The following ANKFN1 variants were observed in gnomAD, a reference collection of about 807,000 sequenced individuals.
ANKFN1 encodes ankyrin repeat and fibronectin type III domain containing 1.
In ANKFN1, 74 loss-of-function variants were observed where a neutral mutation model predicts 108.7. The observed-to-expected ratio is 0.68, with a 90% CI of 0.56 to 0.83. The LOEUF is 0.83. Ranked by LOEUF, ANKFN1 falls within the 40% of genes least tolerant of loss-of-function variation. ANKFN1 has a pLI of 0.00. For synonymous variants in ANKFN1, 547 were observed against 516.2 expected (o/e 1.06, Z -0.81); for missense variants, 1,505 against 1,382.3 (o/e 1.09, Z -1.41).
chr17:56,109,058 T>C (rs1905810326), intron 4 of ANKFN1, among the ~76,000 whole-genome samples: 1 of 152,226 alleles, frequency 6.6e-6, no homozygotes, highest in Non-Finnish European at 1.5e-5. Context: ...GTCTCAGCTC[T>C]GCCTAGCTGT....
chr17:56,316,489 G>A (rs1001665643), intron 3 of ANKFN1, among the ~76,000 whole-genome samples: 3 of 152,068 alleles, frequency 2.0e-5, no homozygotes, highest in African/African-American at 7.2e-5. Flanking sequence ...AATAAATGGA[G>A]AAAAGGACCT....
chr17:56,442,840 C>A lies in ANKFN1; in HGVS notation c.1009-3C>A. On this transcript the variant is annotated splice_region_variant and splice_polypyrimidine_tract_variant and intron_variant, in intron 9 of 20. Transcript: ENST00000682825. Reference sequence around the variant, plus strand: ...CCTGATGCATCATTTCAATACTTTGCAGGGCCAACAGTATTTTGTTCAAGT... The same window carrying A: ...CCTGATGCATCATTTCAATACTTTGAAGGGCCAACAGTATTTTGTTCAAGT... The A allele has an allele frequency of 6.2e-6, 10 of 1,613,158 alleles. No individual in the cohort carries two copies. The highest frequency in any genetic ancestry group is 7.6e-6 in the Non-Finnish European group (9 of 1,179,354).
rs182751387 is a variant in ANKFN1 at position 56,506,529 on chromosome 17, G to A, written c.2645-3944G>A. Among the ~76,000 whole-genome samples the A allele has an allele frequency of 1.1e-3, 174 of 152,014 alleles. 1 individual carries two copies. Among genetic ancestry groups the A allele is most frequent in the Non-Finnish European group, 2.1e-3 (142 of 67,972 alleles). ...CCCTAGAACCTCCAGAGGGAGTGTG[G>A]CCTTGCTGACACCTTGATTTCAAAC... On this transcript the variant is annotated intron_variant, in intron 20 of 20. Transcript: ENST00000682825.
In ANKFN1 at chr17:56,351,673, G is replaced by C. The variant is rs190488228; in HGVS notation, c.390+706G>C. 2.4e-3 allele frequency among the ~76,000 whole-genome samples: 365 copies of C among 152,244 alleles called. 1 individual carries two copies. The highest frequency in any genetic ancestry group is 8.4e-3 in the African/African-American group (350 of 41,556). On this transcript the variant is annotated intron_variant, in intron 5 of 20. Coordinates refer to ENST00000682825, the MANE Select transcript of ANKFN1 (RefSeq NM_001370326.1). ...CAGGAGGAATGAATATTCACCTGTT[G>C]CTCAGTCCTCTGGACCTTGTAGATG...
chr17:56,321,481 C>T (rs970588180), intron 3 of ANKFN1, among the ~76,000 whole-genome samples: 14 of 150,402 alleles, frequency 9.3e-5, no homozygotes, highest in African/African-American at 3.4e-4. Context: ...AAAAAATCTT[C>T]GCTGAAAAAA....
upstream of ANKFN1, among the ~76,000 whole-genome samples, chr17:56,152,119 G>T (rs1908668069): frequency 6.6e-6 from 1 of 152,066 alleles, no homozygotes; most frequent in South Asian, 2.1e-4. Flanking sequence ...GCATTCTGAG[G>T]AAAAACTGTA....
chr17:56,438,183 T>C (rs1323785630), intron 8 of ANKFN1, among the ~76,000 whole-genome samples: 2 of 152,140 alleles, frequency 1.3e-5, no homozygotes, highest in Non-Finnish European at 2.9e-5. Context: ...AATCTCGTTT[T>C]TACAGAAATA....
At chr17:56,101,850 C>A (rs1228640203) in intron 4 of ANKFN1, among the ~76,000 whole-genome samples, 1 of 152,176 alleles carries the variant, frequency 6.6e-6, no homozygotes, top group Non-Finnish European at 1.5e-5. Flanking sequence ...GATTCTGGGC[C>A]TCATCCTACT....
At chr17:56,046,946 T>A (rs796187934) in intron 4 of ANKFN1, among the ~76,000 whole-genome samples, 14 of 152,350 alleles carry the variant, frequency 9.2e-5, no homozygotes, top group African/African-American at 3.4e-4. Flanking sequence ...CATTGACACC[T>A]GTTTTGAACT....
intron 19 of ANKFN1, among the ~76,000 whole-genome samples, chr17:56,497,075 C>T (rs1214283294): frequency 6.6e-6 from 1 of 152,072 alleles, no homozygotes; most frequent in Non-Finnish European, 1.5e-5. Context: ...TTGTCGGGCA[C>T]TCTAAAAGCT....
intron 4 of ANKFN1, among the ~76,000 whole-genome samples, chr17:56,075,357 G>A (rs941828013): frequency 2.6e-5 from 4 of 152,126 alleles, no homozygotes; most frequent in South Asian, 2.1e-4. Flanking sequence ...TTGCATACTA[G>A]TAATTGCAGG....
intron 3 of ANKFN1, 78 bp downstream of exon 3, chr17:56,228,035 A>G: frequency 1.7e-6 from 2 of 1,212,084 alleles, no homozygotes; most frequent in East Asian, 2.4e-5. Context: ...TAAGGCTCCC[A>G]TCTCACATTG....
At chr17:56,431,899 G>T (rs559718969) in intron 8 of ANKFN1, among the ~76,000 whole-genome samples, 2 of 152,194 alleles carry the variant, frequency 1.3e-5, no homozygotes, top group African/African-American at 4.8e-5. Flanking sequence ...TGCTCTCCTT[G>T]CTCTGTTCCT....
chr17:56,155,490 G>A (rs561835820), intron 1 of ANKFN1, among the ~76,000 whole-genome samples: 18 of 152,302 alleles, frequency 1.2e-4, no homozygotes, highest in African/African-American at 3.4e-4. Context: ...ATTATTGAAA[G>A]CCAATAACTT....
At chr17:56,405,083 G>A (rs2144957294) in intron 8 of ANKFN1, among the ~76,000 whole-genome samples, 1 of 152,338 alleles carries the variant, frequency 6.6e-6, no homozygotes, top group African/African-American at 2.4e-5. Context: ...GTAGTGCAAT[G>A]AACTCCATGA....
At chr17:56,057,601 C>T (rs1189017210) in intron 4 of ANKFN1, among the ~76,000 whole-genome samples, 1 of 152,124 alleles carries the variant, frequency 6.6e-6, no homozygotes, top group Admixed American at 6.5e-5. Flanking sequence ...ACCTGGCCAA[C>T]ATGGTCAAAA....
rs1451060261 is a variant in ANKFN1 at position 56,204,039 on chromosome 17, AAATTAATT to A, written c.-70-8546_-70-8539del. On this transcript the variant is annotated intron_variant, in intron 1 of 20. Transcript: ENST00000682825. Reference sequence around the variant, plus strand: ...GTTTGTTTGTTTGTTTGTTTATATTAAATTAATTAATTAATTAATTTTTTAGAGACAGA... The same window carrying A: ...GTTTGTTTGTTTGTTTGTTTATATTAAATTAATTAATTTTTTAGAGACAGA... Among the ~76,000 whole-genome samples the A allele has an allele frequency of 2.3e-4, 35 of 151,632 alleles. 1 individual carries two copies. The highest frequency in any genetic ancestry group is 2.3e-3 in the Admixed American group (35 of 15,218).
At chr17:56,415,127 C>T (rs1290596492) in intron 8 of ANKFN1, among the ~76,000 whole-genome samples, 1 of 152,178 alleles carries the variant, frequency 6.6e-6, no homozygotes, top group African/African-American at 2.4e-5. Context: ...TGGGGAAAAA[C>T]TGAAGGCCTT....
At chr17:56,148,945 C>A (rs1008386122), upstream of ANKFN1, among the ~76,000 whole-genome samples, 2 of 152,092 alleles carry the variant, frequency 1.3e-5, no homozygotes, top group African/African-American at 2.4e-5. Context: ...ATGAAAGGTA[C>A]GTATTATTTA....
Sources: gnomAD v4.1 joint callset for allele counts (sites outside exome capture counted in the v4.1 genomes callset) on GRCh38, gnomAD v4.1.1 for gene constraint, MANE v1.5 for transcripts, NCBI Gene and HGNC (gene_info 2026-07-23, HGNC 2026-07-21) for gene names.